KDM3A: variants seen among roughly 807,000 people sequenced by gnomAD.
KDM3A encodes lysine demethylase 3A, also known as lysine-specific demethylase 3A.
Under a neutral mutation model 158.0 loss-of-function variants are expected in KDM3A, and 60 were observed. The observed-to-expected ratio is 0.38, with a 90% confidence interval of 0.31 to 0.47. The LOEUF (loss-of-function observed/expected upper bound fraction) is 0.47. Among genes scored for constraint, KDM3A ranks in the 20% least tolerant of loss-of-function variants. KDM3A has a pLI of 0.99. For missense variants in KDM3A, 1,319 were observed against 1,574.3 expected (o/e 0.84, Z 2.74); for synonymous variants, 608 against 549.3 (o/e 1.11, Z -1.49).
intron 3 of KDM3A, among the ~76,000 whole-genome samples, chr2:86,450,629 G>A (rs1672417576): frequency 6.6e-6 from 1 of 152,180 alleles, no homozygotes; most frequent in Non-Finnish European, 1.5e-5. Context: ...GATCTGGATA[G>A]TTTGGAAAGG....
intron 10 of KDM3A, chr2:86,467,481 C>G (rs542223451): frequency 6.6e-6 from 1 of 152,258 alleles, no homozygotes; most frequent in African/African-American, 2.4e-5. Context: ...AGTCTCTTTG[C>G]TTAAGGGGAG....
At chr2:86,455,024 A>G in intron 4 of KDM3A, 61 bp from the exon 5 acceptor site, 1 of 1,003,706 alleles carries the variant, frequency 1.0e-6, no homozygotes, top group African/African-American at 1.7e-5. Context: ...GCCCACTGGA[A>G]TTTAAATAAC....
intron 8 of KDM3A, among the ~76,000 whole-genome samples, chr2:86,463,664 C>A (rs566924819): frequency 6.6e-6 from 1 of 152,206 alleles, no homozygotes; most frequent in Non-Finnish European, 1.5e-5. Flanking sequence ...GCAGTAAGTG[C>A]GTGGTGGGCA....
Position 86,482,467 on chromosome 2 carries a change from G to T in KDM3A, c.2695G>T (p.Gly899Ter). The change falls in exon 18 of 26, where the codon GGA becomes TGA. Residue 899 changes from glycine (G) to a stop codon, truncating the protein, a stop_gained. Coordinates refer to ENST00000312912, the MANE Select transcript of KDM3A (RefSeq NM_018433.6). LOFTEE classifies it high-confidence loss of function. Reference sequence around the variant, plus strand: ...TCTTTCTCCAATTCAGACAGAAAATGGACTCAAGAATACACCAAAAATCCT... The same window carrying T: ...TCTTTCTCCAATTCAGACAGAAAATTGACTCAAGAATACACCAAAAATCCT... ...LNSSTGKTENGLKNTPKILDD... is the reference protein window; with the variant it reads ...LNSSTGKTEN The T allele has an allele frequency of 6.2e-7, 1 of 1,612,880 alleles. No homozygotes were observed. The highest frequency in any genetic ancestry group is 8.5e-7 in the Non-Finnish European group (1 of 1,179,612).
upstream of KDM3A, among the ~76,000 whole-genome samples, chr2:86,439,754 T>C (rs979362609): frequency 6.6e-6 from 1 of 152,258 alleles, no homozygotes; most frequent in Middle Eastern, 3.4e-3. Flanking sequence ...TGTTTTTAGA[T>C]TCATAACAGT....
At chr2:86,492,014 C>T in intron 25 of KDM3A, 25 bp from the exon 26 acceptor site, 7 of 1,479,700 alleles carry the variant, frequency 4.7e-6, no homozygotes, top group Non-Finnish European at 6.6e-6. Context: ...TGTAAAATGC[C>T]CATATTTTCT....
In KDM3A at chr2:86,483,828, GGGAGCTCAGAGAACTAA is replaced by G. The variant is rs1030970577; in HGVS notation, c.2923-157_2923-141del. 1.9e-5 allele frequency: 11 copies of G among 576,132 alleles called. No individual in the cohort carries two copies. In the African/African-American group the frequency reaches 2.1e-4, roughly 11 times the overall value. The allele number at this position is 576,132 out of a possible 1,614,324, so 35.7% of individuals were successfully genotyped here. A position where few individuals can be genotyped will look rare whatever the true frequency, so the allele number is the denominator to read the frequency against. On this transcript the variant is annotated intron_variant, in intron 18 of 25. Transcript: ENST00000312912. ...GAATGGTGAAGGTTGGAGGTGCTTTGGGAGCTCAGAGAACTAAGCCGAAACTGTCACATCACCATCTG... is the reference window on the plus strand; with the variant it reads ...GAATGGTGAAGGTTGGAGGTGCTTTGGCCGAAACTGTCACATCACCATCTG...
At chr2:86,474,632 C>G (rs1238296276) in intron 11 of KDM3A, 144 bp from the exon 12 acceptor site, 3 of 600,150 alleles carry the variant, frequency 5.0e-6, no homozygotes, top group East Asian at 5.7e-5. Flanking sequence ...CCACTGCACT[C>G]CAGCCTGGGT....
intron 12 of KDM3A, 73 bp downstream of exon 12, chr2:86,475,063 T>C (rs1673601540): frequency 8.3e-7 from 1 of 1,206,212 alleles, no homozygotes; most frequent in Non-Finnish European, 1.2e-6. Context: ...ACCTAAGTCC[T>C]AATTGCTTGG....
intron 8 of KDM3A, among the ~76,000 whole-genome samples, chr2:86,457,905 A>G (rs1218637421): frequency 6.6e-6 from 1 of 152,204 alleles, no homozygotes; most frequent in African/African-American, 2.4e-5. Flanking sequence ...AATAGTTACC[A>G]TTTGGACCGA....
At chr2:86,465,512 AT>A (rs1673099125) in intron 9 of KDM3A, among the ~76,000 whole-genome samples, 1 of 151,952 alleles carries the variant, frequency 6.6e-6, no homozygotes, top group African/African-American at 2.4e-5. Flanking sequence ...GGCTCAATTG[AT>A]CCTCTTGCCT....
chr2:86,471,585 A>G (rs1188782026), intron 11 of KDM3A, among the ~76,000 whole-genome samples: 1 of 152,166 alleles, frequency 6.6e-6, no homozygotes, highest in Non-Finnish European at 1.5e-5. Flanking sequence ...GTTGATTTCA[A>G]TTCCTATTCT....
chr2:86,462,895 C>G (rs1672983262), intron 8 of KDM3A, among the ~76,000 whole-genome samples: 1 of 151,982 alleles, frequency 6.6e-6, no homozygotes, highest in African/African-American at 2.4e-5. Flanking sequence ...GAGTTGGACA[C>G]CAGCCTTAAC....
At position 86,492,165 on chromosome 2, in the gene KDM3A, T is replaced by C. The variant is rs555499877; in HGVS notation, c.*46T>C. 118 of 1,390,314 alleles carry C rather than the reference T, an allele frequency of 8.5e-5. 1 individual carries two copies. In the South Asian group the frequency reaches 1.3e-3, roughly 16 times the overall value. 86.1% of individuals were successfully genotyped at this position (1,390,314 alleles called of 1,614,324 possible). On this transcript the variant is annotated 3_prime_UTR_variant, in exon 26 of 26. Transcript: ENST00000312912. ...GAATTACAGGCAGCTGTTCAAACTCTTCAGGCAGGATTCCTGTGGACTTTG... is the reference window on the plus strand; with the variant it reads ...GAATTACAGGCAGCTGTTCAAACTCCTCAGGCAGGATTCCTGTGGACTTTG...
chr2:86,489,187 T>A (rs1016128636), intron 21 of KDM3A, 131 bp from the exon 22 acceptor site: 14 of 1,086,862 alleles, frequency 1.3e-5, no homozygotes, highest in Non-Finnish European at 1.8e-5. Flanking sequence ...TTTTTTGCAA[T>A]AATTTGATCC....
intron 5 of KDM3A, among the ~76,000 whole-genome samples, chr2:86,455,682 A>C (rs1473344493): frequency 6.6e-6 from 1 of 152,164 alleles, no homozygotes; most frequent in Non-Finnish European, 1.5e-5. Flanking sequence ...CAGTGGCTCA[A>C]GCCTGTGATC....
chr2:86,450,008 T>A (rs773067385), intron 3 of KDM3A, 46 bp downstream of exon 3: 1 of 1,549,564 alleles, frequency 6.5e-7, no homozygotes, highest in Non-Finnish European at 8.7e-7. Context: ...GAGGGCATTT[T>A]ATCCATTGTG....
chr2:86,468,054 G>A (rs556824363), intron 10 of KDM3A, among the ~76,000 whole-genome samples: 4 of 152,158 alleles, frequency 2.6e-5, no homozygotes, highest in East Asian at 3.9e-4. Flanking sequence ...AACAACCTAC[G>A]AAAACAATTT....
At position 86,492,671 on chromosome 2, in the gene KDM3A, C is replaced by G. The variant is rs1674513072; in HGVS notation, c.*552C>G. ...GAATTTTAATTTAAATGACGCTTTG[C>G]TAATTTTAAGTGTTAAGCATTTTGC... On this transcript the variant is annotated 3_prime_UTR_variant, in exon 26 of 26. Transcript: ENST00000312912. 1.3e-5 allele frequency: 2 copies of G among 152,524 alleles called. No individual in the cohort carries two copies. Among genetic ancestry groups the G allele is most frequent in the Non-Finnish European group, 1.5e-5 (1 of 68,060 alleles). 9.4% of individuals were successfully genotyped at this position (152,524 alleles called of 1,614,324 possible).
Sources: allele counts gnomAD v4.1 joint callset (sites outside exome capture counted in the v4.1 genomes callset), GRCh38; gene constraint gnomAD v4.1.1; transcripts MANE v1.5; gene names NCBI Gene and HGNC (gene_info 2026-07-23, HGNC 2026-07-21).